Variants in HECTD4 observed in about 807,000 individuals in gnomAD.
HECTD4 encodes the protein HECT domain E3 ubiquitin protein ligase 4, also known as probable E3 ubiquitin-protein ligase HECTD4.
A neutral mutation model predicts 471.5 loss-of-function variants in HECTD4; 114 were observed. That is an observed-to-expected ratio of 0.24 (90% CI 0.21 to 0.28). The LOEUF is 0.28. Ranked by LOEUF, HECTD4 falls within the 10% of genes least tolerant of loss-of-function variation. HECTD4 has a pLI of 1.00. For missense variants in HECTD4, 3,866 were observed against 5,651.5 expected, an observed-to-expected ratio of 0.68 and a Z score of 10.13; for synonymous variants, 2,012 against 2,256.0, an observed-to-expected ratio of 0.89 and a Z score of 3.07.
chr12:112,371,434 G>T (rs1482987360), intron 1 of HECTD4, among the ~76,000 whole-genome samples: 3 of 152,072 alleles, frequency 2.0e-5, no homozygotes, highest in Non-Finnish European at 4.4e-5. Flanking sequence ...AGCTAGCTGG[G>T]CATGGTGGCA....
intron 1 of HECTD4, among the ~76,000 whole-genome samples, chr12:112,359,723 T>C (rs2036415344): frequency 6.8e-6 from 1 of 146,566 alleles, no homozygotes; most frequent in South Asian, 2.1e-4. Flanking sequence ...CTGGCCTACA[T>C]TTTTTTTTTT....
chr12:112,256,682 C>T, intron 20 of HECTD4, 164 bp from the exon 21 acceptor site: 3 of 416,174 alleles, frequency 7.2e-6, no homozygotes, highest in Non-Finnish European at 1.2e-5. Flanking sequence ...AAAATTCCTA[C>T]ATTTAAGGGT....
intron 26 of HECTD4, 21 bp from the exon 27 acceptor site, chr12:112,248,192 G>C: frequency 6.3e-7 from 1 of 1,587,852 alleles, no homozygotes; most frequent in Non-Finnish European, 8.6e-7. Context: ...CATTAAAATA[G>C]ATGCAAAATA....
chr12:112,260,061 C>T (rs955119604), intron 18 of HECTD4, among the ~76,000 whole-genome samples: 4 of 151,426 alleles, frequency 2.6e-5, no homozygotes, highest in African/African-American at 9.7e-5. Flanking sequence ...CCATCCATCT[C>T]CACAACTCTT....
intron 7 of HECTD4, among the ~76,000 whole-genome samples, chr12:112,304,762 A>G (rs2035239603): frequency 6.6e-6 from 1 of 152,098 alleles, no homozygotes; most frequent in South Asian, 2.1e-4. Context: ...TCTGGCAGGG[A>G]CATTTTGTAA....
At chr12:112,367,548 A>G (rs2036587757) in intron 1 of HECTD4, among the ~76,000 whole-genome samples, 1 of 151,912 alleles carries the variant, frequency 6.6e-6, no homozygotes, top group African/African-American at 2.4e-5. Context: ...GGCAGGGCCC[A>G]GTGGCTCACG....
intron 1 of HECTD4, among the ~76,000 whole-genome samples, chr12:112,333,370 G>A (rs2035880572): frequency 6.6e-6 from 1 of 152,184 alleles, no homozygotes; most frequent in East Asian, 1.9e-4. Context: ...TTGTTATTAT[G>A]TATTTCTGAT....
At chr12:112,323,985 C>CTTT (rs2035660391) in intron 1 of HECTD4, among the ~76,000 whole-genome samples, 1 of 28,586 alleles carries the variant, frequency 3.5e-5, no homozygotes, top group South Asian at 2.1e-3. Flanking sequence ...TTCCTTCCTT[C>CTTT]CTTCCTTCCT....
chr12:112,202,267 A>G (rs2135533313), intron 54 of HECTD4, among the ~76,000 whole-genome samples: 1 of 151,668 alleles, frequency 6.6e-6, no homozygotes, highest in South Asian at 2.1e-4. Context: ...GTGCCATGGC[A>G]TGATCTCGGC....
intron 24 of HECTD4, 52 bp from the exon 25 acceptor site, chr12:112,250,429 G>A (rs2033855411): frequency 6.9e-6 from 9 of 1,297,696 alleles, no homozygotes; most frequent in Non-Finnish European, 1.0e-5. Context: ...AAGAGTATTG[G>A]AAAGCTATTG....
chr12:112,270,550 C>T (rs945922398), intron 11 of HECTD4, 91 bp from the exon 12 acceptor site: 70 of 1,029,178 alleles, frequency 6.8e-5, no homozygotes, highest in Middle Eastern at 6.6e-4. Flanking sequence ...GGTGTGTGCG[C>T]ACTAGAAAAG....
Position 112,319,413 on chromosome 12 carries a change from A to C in HECTD4, c.507T>G (p.Ala169=). ...CACGAAGGCAGTTCAATAGCACCTC[A>C]GCAGTTATGTTACAGAGAGAGGGGT... The part of the protein sequence containing the change: ...RTDPSLCNIT[A]EVLLNCLRDC... The change falls in exon 2 of 76, where the codon GCT becomes GCG. Residue 169 remains alanine (A), a synonymous_variant. Transcript: ENST00000682272. The surrounding 1 kb of genome is among the most constrained non-coding windows in gnomAD (Gnocchi z 5.3). 6.5e-7 allele frequency: 1 copy of C among 1,536,128 alleles called. No individual in the cohort carries two copies. Among genetic ancestry groups the C allele is most frequent in the East Asian group, 2.4e-5 (1 of 40,924 alleles).
chr12:112,374,976 A>G (rs1171238345), intron 1 of HECTD4, among the ~76,000 whole-genome samples: 1 of 152,270 alleles, frequency 6.6e-6, no homozygotes, highest in African/African-American at 2.4e-5. Flanking sequence ...GAGTTTTGAC[A>G]TACATATACA....
chr12:112,347,300 G>A lies in HECTD4; in HGVS notation c.178-27558C>T, dbSNP rs553449500. ...CGAGGTGGGTGGATCACTTGAGGCCGGGAGTTCAAGACCAGCCTGGCCAAC... is the reference window on the plus strand; with the variant it reads ...CGAGGTGGGTGGATCACTTGAGGCCAGGAGTTCAAGACCAGCCTGGCCAAC... On this transcript the variant is annotated intron_variant, in intron 1 of 75. Coordinates refer to ENST00000682272, the MANE Select transcript of HECTD4 (RefSeq NM_001388303.1). 9.7e-4 allele frequency among the ~76,000 whole-genome samples: 148 copies of A among 152,050 alleles called. 1 individual carries two copies. The highest frequency in any genetic ancestry group is 3.2e-3 in the African/African-American group (131 of 41,480).
chr12:112,300,065 C>T lies in HECTD4; in HGVS notation c.1335+5999G>A, dbSNP rs532954362. The stretch of plus-strand genomic sequence containing the variant: ...GCACAGTGGCTCACGCCTACAAGTC[C>T]AGCACTTTGGGAGGCCAAGGGGGTG... On this transcript the variant is annotated intron_variant, in intron 7 of 75. Transcript: ENST00000682272. Among the ~76,000 whole-genome samples the T allele has an allele frequency of 2.6e-5, 4 of 152,254 alleles. No homozygotes were observed. In the East Asian group the frequency reaches 5.8e-4, roughly 22 times the overall value.
chr12:112,310,835 G>C (rs1312050291), intron 4 of HECTD4, among the ~76,000 whole-genome samples: 6 of 152,112 alleles, frequency 3.9e-5, no homozygotes, highest in Admixed American at 3.9e-4. Flanking sequence ...CTCTGTCGAG[G>C]GGCAGAAGTG....
intron 20 of HECTD4, 51 bp from the exon 21 acceptor site, chr12:112,256,569 A>C (rs766950688): frequency 6.3e-5 from 80 of 1,260,850 alleles, no homozygotes; most frequent in Non-Finnish European, 8.5e-5. Flanking sequence ...GGAAAGGAAA[A>C]ACAATGTAAA....
chr12:112,335,866 GACAA>G (rs1185232842), intron 1 of HECTD4, among the ~76,000 whole-genome samples: 15 of 152,106 alleles, frequency 9.9e-5, no homozygotes, highest in African/African-American at 3.4e-4. Flanking sequence ...ATAAGTGAAA[GACAA>G]ACAATCATTG....
intron 73 of HECTD4, 66 bp downstream of exon 73, chr12:112,164,043 G>A: frequency 3.7e-6 from 5 of 1,354,156 alleles, no homozygotes; most frequent in Non-Finnish European, 4.8e-6. Context: ...AACAGATGCT[G>A]CTGTCATACC....
Sources: allele counts gnomAD v4.1 joint callset (sites outside exome capture counted in the v4.1 genomes callset), GRCh38; gene constraint gnomAD v4.1.1; non-coding constraint Gnocchi (gnomAD v3.1); transcripts MANE v1.5; gene names NCBI Gene and HGNC (gene_info 2026-07-23, HGNC 2026-07-21).